The following DHX38 variants were observed in gnomAD, a reference collection of about 807,000 sequenced individuals.
DHX38 encodes pre-mRNA-splicing factor ATP-dependent RNA helicase PRP16.
In DHX38, 100 loss-of-function variants were observed where a neutral mutation model predicts 153.1. The observed-to-expected ratio is 0.65, with a 90% CI of 0.56 to 0.77. The LOEUF (loss-of-function observed/expected upper bound fraction) is 0.77. Among genes scored for constraint, DHX38 ranks in the 30% least tolerant of loss-of-function variants. The pLI, the probability that DHX38 is intolerant of heterozygous loss-of-function variation, is 0.00. For synonymous variants in DHX38, 650 were observed against 631.7 expected (o/e 1.03, Z -0.43); for missense variants, 1,440 against 1,654.0 (o/e 0.87, Z 2.24).
intron 1 of DHX38, among the ~76,000 whole-genome samples, chr16:72,095,417 G>A (rs548858414): frequency 6.6e-6 from 1 of 152,166 alleles, no homozygotes; most frequent in African/African-American, 2.4e-5. Flanking sequence ...GAACATGGAC[G>A]GTAGCCTTCT....
Position 72,108,854 on chromosome 16 carries a change from A to G in DHX38, c.3310A>G (p.Thr1104Ala), listed in dbSNP as rs755633146. ...RTGMPCHLHP[T>A]SSLFGMGYTP... is the part of the protein sequence containing the mutation. ...AGGGATGCCCTGCCACTTGCACCCCACCAGCTCCCTTTTTGGAATGGGCTA... is the reference window on the plus strand; with the variant it reads ...AGGGATGCCCTGCCACTTGCACCCCGCCAGCTCCCTTTTTGGAATGGGCTA... The change falls in exon 24 of 27, where the codon ACC (threonine) becomes GCC (alanine). Residue 1104 changes from threonine to alanine, a missense_variant. Thr to Ala is a moderately conservative substitution (Grantham distance 58). This residue lies in a region of DHX38 where 543 missense variants were observed against 717.9 expected (regional missense o/e 0.76). Transcript: ENST00000268482. The G allele has an allele frequency of 1.2e-6, 2 of 1,614,058 alleles. No individual in the cohort carries two copies. Among genetic ancestry groups the G allele is most frequent in the South Asian group, 2.2e-5 (2 of 91,020 alleles).
chr16:72,103,034 GGGCACCATGCA>G (rs1567607206), intron 11 of DHX38, 29 bp from the exon 12 acceptor site: 1 of 1,607,852 alleles, frequency 6.2e-7, no homozygotes, highest in Non-Finnish European at 8.5e-7. Context: ...GGACAGCATG[GGGCACCATGCA>G]GGGTGTTTAG....
At chr16:72,110,449 G>C (rs568925605) in intron 25 of DHX38, among the ~76,000 whole-genome samples, 1 of 152,314 alleles carries the variant, frequency 6.6e-6, no homozygotes, top group African/African-American at 2.4e-5. Flanking sequence ...AGTGGTGGCA[G>C]CCTGCCTCTT....
intron 11 of DHX38, among the ~76,000 whole-genome samples, chr16:72,102,196 C>T (rs75356239): frequency 2.1e-3 from 318 of 152,294 alleles, no homozygotes; most frequent in African/African-American, 7.1e-3. Context: ...TTCTACTGAA[C>T]GGTCATCTGA....
At position 72,109,135 on chromosome 16, in the gene DHX38, T is replaced by G. The variant is rs377084923; in HGVS notation, c.3381+210T>G. 1.5e-4 allele frequency among the ~76,000 whole-genome samples: 23 copies of G among 152,338 alleles called. No individual in the cohort carries two copies. In the East Asian group the frequency reaches 2.3e-3, roughly 15 times the overall value. On this transcript the variant is annotated intron_variant, in intron 24 of 26. Coordinates refer to ENST00000268482, the MANE Select transcript of DHX38 (RefSeq NM_014003.4). The stretch of plus-strand genomic sequence containing the variant: ...CTAGACTGCATTGACCTCAGCTGCA[T>G]GGGCACGATTGTTCCCCACTTGCTG...
At chr16:72,100,930 C>G (rs572688316) in intron 9 of DHX38, among the ~76,000 whole-genome samples, 156 bp from the exon 10 acceptor site, 1 of 151,956 alleles carries the variant, frequency 6.6e-6, no homozygotes, top group East Asian at 1.9e-4. Flanking sequence ...CTGTCTCACA[C>G]ACAAAAAAGG....
intron 25 of DHX38, among the ~76,000 whole-genome samples, chr16:72,110,434 G>T (rs2042241378): frequency 6.6e-6 from 1 of 152,196 alleles, no homozygotes; most frequent in Admixed American, 6.5e-5. Flanking sequence ...TGGATGAGGG[G>T]CCCCAGTGGT....
Position 72,112,761 on chromosome 16 carries a change from C to G in DHX38, c.*264C>G. The G allele has an allele frequency of 1.4e-6, 1 of 702,868 alleles. No individual in the cohort carries two copies. Among genetic ancestry groups the G allele is most frequent in the Admixed American group, 2.0e-5 (1 of 50,014 alleles). The allele number at this position is 702,868 out of a possible 1,614,324, so 43.5% of individuals were successfully genotyped here. A position where few individuals can be genotyped will look rare whatever the true frequency, so the allele number is the denominator to read the frequency against. ...CGGGAGGTGGCTGGACCCATCGCATCTAAAACTGGCCCAGGACACTTGGTG... is the reference window on the plus strand; with the variant it reads ...CGGGAGGTGGCTGGACCCATCGCATGTAAAACTGGCCCAGGACACTTGGTG... On this transcript the variant is annotated 3_prime_UTR_variant, in exon 27 of 27. Transcript: ENST00000268482.
chr16:72,094,743 C>T (rs142818975), intron 1 of DHX38, among the ~76,000 whole-genome samples: 89 of 152,328 alleles, frequency 5.8e-4, no homozygotes, highest in Admixed American at 1.2e-3. Flanking sequence ...TTCCTGTCCT[C>T]CTTTAATAAG....
At chr16:72,099,608 C>G in intron 7 of DHX38, 124 bp from the exon 8 acceptor site, 2 of 1,347,562 alleles carry the variant, frequency 1.5e-6, no homozygotes, top group Non-Finnish European at 1.0e-6. Context: ...TCTCCTGCAC[C>G]CCTCACAAGG....
intron 18 of DHX38, 72 bp from the exon 19 acceptor site, chr16:72,105,933 G>T: frequency 7.1e-7 from 1 of 1,417,820 alleles, no homozygotes. Context: ...ACCAGGGCTT[G>T]CCTTTGTCTC....
intron 18 of DHX38, 107 bp downstream of exon 18, chr16:72,105,731 G>A (rs1246460880): frequency 2.3e-5 from 25 of 1,092,676 alleles, no homozygotes; most frequent in Middle Eastern, 2.0e-4. Flanking sequence ...TGGGGAGCGC[G>A]TGGAAGTGGT....
At chr16:72,110,775 G>C (rs1291229457) in intron 25 of DHX38, among the ~76,000 whole-genome samples, 181 bp from the exon 26 acceptor site, 2 of 152,252 alleles carry the variant, frequency 1.3e-5, no homozygotes, top group African/African-American at 4.8e-5. Flanking sequence ...TCTTGAGTCA[G>C]TGAAAAAAGC....
chr16:72,102,028 T>G (rs896579557), intron 11 of DHX38, among the ~76,000 whole-genome samples: 1 of 152,178 alleles, frequency 6.6e-6, no homozygotes, highest in African/African-American at 2.4e-5. Context: ...AAGAACTATT[T>G]TTAAAAGAGG....
rs549791947 is a variant in DHX38, at chr16:72,099,788, G to A, written c.1017G>A (p.Pro339=). 17 of 1,614,178 alleles carry A rather than the reference G, an allele frequency of 1.1e-5. No individual in the cohort carries two copies. Among genetic ancestry groups the A allele is most frequent in the South Asian group, 3.3e-5 (3 of 91,080 alleles). ...MDEGYDEFHN[P]LAYSSEDYVR... is the part of the protein sequence containing the mutation. ...AGGGCTATGACGAGTTCCACAACCC[G>A]CTGGCCTACTCCTCCGAGGACTACG... is the stretch of plus-strand genomic sequence containing the variant. Residue 339 remains proline (P), a synonymous_variant, in exon 8 of 27, where the codon CCG becomes CCA. Transcript: ENST00000268482.
Position 72,112,424 on chromosome 16 carries a change from T to A in DHX38, c.3611T>A (p.Ile1204Asn). Residue 1204 changes from isoleucine (I) to asparagine (N), a missense_variant, in exon 27 of 27, where the codon ATC becomes AAC. By Grantham distance (149) the Ile-to-Asn change is moderately radical. This residue lies in a region of DHX38 where 75 missense variants were observed against 69.5 expected (regional missense o/e 1.08). Transcript: ENST00000268482. ...TGCTGTGTCTCCAGGTCTACGAAGA[T>A]CTACACTCCAGGCCGGAAAGAGCAA... ...SPLGSVRSTKIYTPGRKEQGE... is the reference protein window; with the variant it reads ...SPLGSVRSTKNYTPGRKEQGE... The A allele has an allele frequency of 6.2e-7, 1 of 1,609,722 alleles. No individual in the cohort carries two copies. Among genetic ancestry groups the A allele is most frequent in the Non-Finnish European group, 8.5e-7 (1 of 1,179,894 alleles).
chr16:72,112,374 G>C (rs1480871548), intron 26 of DHX38, 39 bp from the exon 27 acceptor site: 1 of 1,595,974 alleles, frequency 6.3e-7, no homozygotes, highest in South Asian at 1.1e-5. Flanking sequence ...CTGTGGGTGA[G>C]GGCACGGTGT....
chr16:72,100,193 C>T (rs1245938412), intron 8 of DHX38, among the ~76,000 whole-genome samples: 1 of 152,090 alleles, frequency 6.6e-6, no homozygotes, highest in Non-Finnish European at 1.5e-5. Flanking sequence ...GGGACACTTA[C>T]CATTTGTGTG....
intron 25 of DHX38, 46 bp from the exon 26 acceptor site, chr16:72,110,900 GCCTCCTTCCT>G: frequency 5.3e-6 from 8 of 1,519,940 alleles, no homozygotes; most frequent in African/African-American, 2.8e-5. Flanking sequence ...TGCCGACGAG[GCCTCCTTCCT>G]TAGTGGTCCC....
Sources: gnomAD v4.1 joint callset for allele counts (sites outside exome capture counted in the v4.1 genomes callset) on GRCh38, gnomAD v4.1.1 for gene constraint, gnomAD v4.1.1 regional missense constraint, MANE v1.5 for transcripts, NCBI Gene and HGNC (gene_info 2026-07-23, HGNC 2026-07-21) for gene names.